The following RELB variants were observed in gnomAD, a reference collection of about 807,000 sequenced individuals.
RELB encodes transcription factor RelB.
A neutral mutation model predicts 55.4 loss-of-function variants in RELB; 14 were observed. The ratio of observed to expected loss-of-function variants is 0.25; its 90% CI spans 0.17 to 0.40. The LOEUF (loss-of-function observed/expected upper bound fraction) is 0.40. Ranked by LOEUF, RELB falls within the 10% of genes least tolerant of loss-of-function variation. The pLI is 1.00. For synonymous variants in RELB, 409 were observed against 371.3 expected, an observed-to-expected ratio of 1.10 and a Z score of -1.17; for missense variants, 669 against 830.7, an observed-to-expected ratio of 0.81 and a Z score of 2.39.
intron 2 of RELB, chr19:45,008,784 T>C (rs980687450): frequency 2.3e-4 from 69 of 306,222 alleles, no homozygotes; most frequent in African/African-American, 1.5e-3. Flanking sequence ...GACACCTGGC[T>C]GCAGCTGCCT....
chr19:45,007,029 ACT>A, intron 2 of RELB, among the ~76,000 whole-genome samples: 1 of 151,302 alleles, frequency 6.6e-6, no homozygotes, highest in East Asian at 1.9e-4. Flanking sequence ...GGATAAGGGG[ACT>A]CTCTTGGATA....
At chr19:45,027,594 A>C (rs556823493) in intron 7 of RELB, among the ~76,000 whole-genome samples, 8 of 152,226 alleles carry the variant, frequency 5.3e-5, no homozygotes, top group African/African-American at 1.9e-4. Context: ...AGAGGGATGC[A>C]CTGCTCTGAT....
intron 3 of RELB, among the ~76,000 whole-genome samples, chr19:45,010,650 T>C (rs1273856937): frequency 6.6e-6 from 1 of 152,032 alleles, no homozygotes; most frequent in Non-Finnish European, 1.5e-5. Flanking sequence ...GAACAGGCAG[T>C]TGGAGGAGCA....
chr19:45,001,789 G>A (rs1971213558), intron 1 of RELB, 104 bp downstream of exon 1: 1 of 662,108 alleles, frequency 1.5e-6, no homozygotes, highest in South Asian at 2.1e-5. Flanking sequence ...GAGTCTAAGG[G>A]TTTCGCGGGG....
chr19:45,033,882 C>G (rs1321992636), intron 9 of RELB, among the ~76,000 whole-genome samples: 3 of 151,356 alleles, frequency 2.0e-5, no homozygotes, highest in African/African-American at 7.3e-5. Context: ...AGGCCTGGCA[C>G]AGCAGCTCAC....
chr19:45,004,295 T>C (rs1286165459), intron 2 of RELB, among the ~76,000 whole-genome samples: 1 of 146,594 alleles, frequency 6.8e-6, no homozygotes, highest in Non-Finnish European at 1.5e-5. Context: ...CGATCTCGGC[T>C]CACTGCAACC....
intron 7 of RELB, among the ~76,000 whole-genome samples, chr19:45,027,494 T>C (rs1168498371): frequency 1.3e-5 from 2 of 152,154 alleles, no homozygotes; most frequent in Non-Finnish European, 2.9e-5. Flanking sequence ...TTAGCTTCTC[T>C]TACCTAATAG....
At chr19:45,023,434 G>A (rs200756447) in intron 5 of RELB, among the ~76,000 whole-genome samples, 1,435 of 70,212 alleles carry the variant, frequency 0.02, 25 homozygotes, top group African/African-American at 0.058. Context: ...CCTTCCTTCC[G>A]TCCTTCTTTC....
chr19:45,011,946 C>A lies in RELB; in HGVS notation c.174C>A (p.Asp58Glu). The A allele has an allele frequency of 6.5e-7, 1 of 1,527,436 alleles. No homozygotes were observed. The highest frequency in any genetic ancestry group is 8.7e-7 in the Non-Finnish European group (1 of 1,143,098). The allele number at this position is 1,527,436 out of a possible 1,614,324, so 94.6% of individuals were successfully genotyped here. A position where few individuals can be genotyped will look rare whatever the true frequency, so the allele number is the denominator to read the frequency against. Residue 58 changes from aspartate to glutamate, a missense_variant, in exon 4 of 12, where the codon GAC becomes GAA. By Grantham distance (45) the Asp-to-Glu change is conservative (BLOSUM62 2). Coordinates refer to ENST00000221452, the MANE Select transcript of RELB (RefSeq NM_006509.4). ...SRSTDELEII[D>E]EYIKENGFGL... is the part of the protein sequence containing the mutation. ...TTTCTTCTCCCGCAGAGATCATCGA[C>A]GAGTACATCAAGGAGAACGGCTTCG... is the stretch of plus-strand genomic sequence containing the variant.
intron 7 of RELB, among the ~76,000 whole-genome samples, chr19:45,027,523 G>A (rs1971573230): frequency 6.6e-6 from 1 of 152,030 alleles, no homozygotes; most frequent in Non-Finnish European, 1.5e-5. Flanking sequence ...AAAGTCTCAG[G>A]TCTATCTCTC....
chr19:45,014,525 T>TG (rs1456445605), intron 4 of RELB, among the ~76,000 whole-genome samples: 3 of 84,622 alleles, frequency 3.5e-5, no homozygotes, highest in Non-Finnish European at 7.4e-5. Context: ...TTTTGTTTTT[T>TG]GGTTTTTTTT....
chr19:45,037,286 A>C, intron 11 of RELB, 119 bp from the exon 12 acceptor site: 1 of 1,071,564 alleles, frequency 9.3e-7, no homozygotes, highest in Non-Finnish European at 1.3e-6. Context: ...CATCTCAGAA[A>C]AAAAAAAAAA....
chr19:45,036,607 A>G lies in RELB; in HGVS notation c.1355-798A>G, dbSNP rs144788493. ...GGAAAACTCTCCACAGCTGTGTAGG[A>G]GCATGGTTTCAACCCCAGTTCCACA... On this transcript the variant is annotated intron_variant, in intron 11 of 11. Transcript: ENST00000221452. Among the ~76,000 whole-genome samples the G allele has an allele frequency of 9.3e-4, 142 of 152,210 alleles. 2 individuals are homozygous for G. The East Asian group carries it at 0.021, about 23-fold the overall frequency.
rs961433718 is a variant in RELB, at chr19:45,006,955, G to GA, written c.155-2842dup. On this transcript the variant is annotated intron_variant, in intron 2 of 11. Coordinates refer to ENST00000221452, the MANE Select transcript of RELB (RefSeq NM_006509.4). Reference sequence around the variant, plus strand: ...GGGTGACAACAGCAAAACTCCATCTGAAAAAAAAAAAAAAAAAGAAAATGA... The same window carrying GA: ...GGGTGACAACAGCAAAACTCCATCTGAAAAAAAAAAAAAAAAAAGAAAATGA... Among the ~76,000 whole-genome samples the GA allele has an allele frequency of 9.8e-3, 895 of 91,718 alleles. 12 individuals carry two copies. Among genetic ancestry groups the GA allele is most frequent in the African/African-American group, 0.025 (622 of 24,856 alleles). 60.2% of individuals were successfully genotyped at this position (91,718 alleles called of 152,430 possible).
intron 1 of RELB, among the ~76,000 whole-genome samples, chr19:45,001,925 C>A (rs906928842): frequency 6.6e-6 from 1 of 150,518 alleles, no homozygotes; most frequent in Non-Finnish European, 1.5e-5. Flanking sequence ...GGGCCTGACC[C>A]TGAGGCAAAG....
chr19:45,008,027 G>A (rs969779002), intron 2 of RELB, among the ~76,000 whole-genome samples: 7 of 144,838 alleles, frequency 4.8e-5, no homozygotes, highest in Non-Finnish European at 9.0e-5. Flanking sequence ...AAAAAAAGCC[G>A]GGTGTGGTGG....
Position 45,022,039 on chromosome 19 carries a change from T to C in RELB, c.505-14T>C. On this transcript the variant is annotated splice_polypyrimidine_tract_variant and intron_variant, in intron 4 of 11. Coordinates refer to ENST00000221452, the MANE Select transcript of RELB (RefSeq NM_006509.4). ...CGGTGATGGGACCCCCAAAGAGGAC[T>C]TCTCTTCCTGCAGCTCCGGGATTGT... 1.2e-6 allele frequency: 2 copies of C among 1,601,648 alleles called. No individual in the cohort carries two copies. The highest frequency in any genetic ancestry group is 1.7e-6 in the Non-Finnish European group (2 of 1,173,270).
At chr19:45,032,395 G>A in intron 8 of RELB, 139 bp from the exon 9 acceptor site, 1 of 656,836 alleles carries the variant, frequency 1.5e-6, no homozygotes, top group South Asian at 1.9e-5. Context: ...CTCCAGCCTG[G>A]GCAACAGAGC....
intron 4 of RELB, among the ~76,000 whole-genome samples, chr19:45,012,792 T>C (rs35194383): frequency 0.51 from 76,794 of 150,976 alleles, 20,057 homozygotes; most frequent in East Asian, 0.57. Context: ...CTCAGGCTTG[T>C]AATTCTAGCA....
Sources: allele counts gnomAD v4.1 joint callset (sites outside exome capture counted in the v4.1 genomes callset), GRCh38; gene constraint gnomAD v4.1.1; transcripts MANE v1.5; gene names NCBI Gene and HGNC (gene_info 2026-07-23, HGNC 2026-07-21).